The following TIMP3 variants were observed in gnomAD, a reference collection of about 807,000 sequenced individuals.
TIMP3 encodes the protein metalloproteinase inhibitor 3.
A neutral mutation model predicts 30.0 loss-of-function variants in TIMP3; 11 were observed. The ratio of observed to expected loss-of-function variants is 0.37; its 90% CI spans 0.23 to 0.61. The LOEUF (loss-of-function observed/expected upper bound fraction) is 0.61. Among genes scored for constraint, TIMP3 ranks in the 20% least tolerant of loss-of-function variants. The pLI is 0.70. For synonymous variants in TIMP3, 112 were observed against 111.3 expected, an observed-to-expected ratio of 1.01 and a Z score of -0.04; for missense variants, 181 against 276.8, an observed-to-expected ratio of 0.65 and a Z score of 2.45.
In TIMP3 at chr22:32,862,746, G is replaced by A. The variant is rs1379776075; in HGVS notation, c.*3369G>A. 1.3e-5 allele frequency: 2 copies of A among 152,608 alleles called. No individual in the cohort carries two copies. Among genetic ancestry groups the A allele is most frequent in the Non-Finnish European group, 2.9e-5 (2 of 68,042 alleles). The allele number at this position is 152,608 out of a possible 1,614,324, so 9.5% of individuals were successfully genotyped here. A position where few individuals can be genotyped will look rare whatever the true frequency, so the allele number is the denominator to read the frequency against. ...GAGGAAGGGGAGAACTTGGAGAATA[G>A]TTTTTGCTTTGGGGGTAGAGGCTTC... On this transcript the variant is annotated 3_prime_UTR_variant, in exon 5 of 5. Coordinates refer to ENST00000266085, the MANE Select transcript of TIMP3 (RefSeq NM_000362.5).
In TIMP3 at chr22:32,830,219, G is replaced by A. The variant is rs2267182; in HGVS notation, c.122-19233G>A. ...TGCCCTCTAGCCTCTTCACTGTCTTGGGAAAGGGGGCCTCTCACAAAACAG... is the reference window on the plus strand; with the variant it reads ...TGCCCTCTAGCCTCTTCACTGTCTTAGGAAAGGGGGCCTCTCACAAAACAG... On this transcript the variant is annotated intron_variant, in intron 1 of 4. Transcript: ENST00000266085. Among the ~76,000 whole-genome samples the A allele has an allele frequency of 2.7e-4, 41 of 152,152 alleles. No homozygotes were observed. In the East Asian group the frequency reaches 7.6e-3, roughly 28 times the overall value.
At position 32,853,931 on chromosome 22, in the gene TIMP3, T is replaced by C. The variant is rs556011646; in HGVS notation, c.205-3318T>C. Among the ~76,000 whole-genome samples, 348 of 152,328 alleles carry C rather than the reference T, an allele frequency of 2.3e-3. 3 individuals carry two copies. Among genetic ancestry groups the C allele is most frequent in the African/African-American group, 8.0e-3 (332 of 41,572 alleles). On this transcript the variant is annotated intron_variant, in intron 2 of 4. Transcript: ENST00000266085. ...CAGAGAAGATTGAAGATTCAAACTCTGGCTGTCAGCCTCCAAAACCTGAAT... is the reference window on the plus strand; with the variant it reads ...CAGAGAAGATTGAAGATTCAAACTCCGGCTGTCAGCCTCCAAAACCTGAAT...
chr22:32,821,958 C>A (rs1264342827), intron 1 of TIMP3, among the ~76,000 whole-genome samples: 1 of 152,104 alleles, frequency 6.6e-6, no homozygotes, highest in African/African-American at 2.4e-5. Context: ...GAGTTCGAGA[C>A]CAGCCTGACC....
At chr22:32,830,554 CT>C (rs1023833228) in intron 1 of TIMP3, among the ~76,000 whole-genome samples, 1 of 152,302 alleles carries the variant, frequency 6.6e-6, no homozygotes, top group Admixed American at 6.5e-5. Flanking sequence ...TGCCTGTGAC[CT>C]TTCTTATTGT....
chr22:32,853,193 C>T (rs945914626), intron 2 of TIMP3, among the ~76,000 whole-genome samples: 2 of 152,202 alleles, frequency 1.3e-5, no homozygotes, highest in Non-Finnish European at 2.9e-5. Context: ...TTGCAATGCC[C>T]GTGGTTCTTC....
At chr22:32,828,617 G>A (rs761186368) in intron 1 of TIMP3, among the ~76,000 whole-genome samples, 20 of 152,212 alleles carry the variant, frequency 1.3e-4, no homozygotes, top group Non-Finnish European at 1.5e-4. Flanking sequence ...AACAGGCCCA[G>A]GGACAGGAAG....
intron 1 of TIMP3, among the ~76,000 whole-genome samples, chr22:32,844,910 A>G (rs1287900196): frequency 3.3e-5 from 5 of 152,008 alleles, no homozygotes; most frequent in East Asian, 1.9e-4. Flanking sequence ...TTTATTTTTT[A>G]TAGAGACAAG....
At chr22:32,850,167 A>G (rs2048179282) in intron 2 of TIMP3, among the ~76,000 whole-genome samples, 1 of 151,358 alleles carries the variant, frequency 6.6e-6, no homozygotes, top group African/African-American at 2.4e-5. Flanking sequence ...GGATATGAAC[A>G]TCATGAAGTA....
chr22:32,802,158 T>C (rs1337953685), intron 1 of TIMP3, 36 bp downstream of exon 1: 1 of 1,564,710 alleles, frequency 6.4e-7, no homozygotes, highest in East Asian at 2.3e-5. Context: ...AGCCCCACGC[T>C]GCAGCCAGGA....
rs1017335148 is a variant in TIMP3 at position 32,858,064 on chromosome 22, G to C, written c.364G>C (p.Glu122Gln). The change falls in exon 4 of 5, where the codon GAG (glutamate) becomes CAG (glutamine). Residue 122 changes from glutamate to glutamine, a missense_variant. This residue lies in a region of TIMP3 where 63 missense variants were observed against 133.3 expected (regional missense o/e 0.47). Transcript: ENST00000266085. ...KMYTGLCNFV[E>Q]RWDQLTLSQR... ...GTACACGGGGCTGTGCAACTTCGTGGAGAGGTGGGACCAGCTCACCCTCTC... is the reference window on the plus strand; with the variant it reads ...GTACACGGGGCTGTGCAACTTCGTGCAGAGGTGGGACCAGCTCACCCTCTC... 2 of 1,614,094 alleles carry C rather than the reference G, an allele frequency of 1.2e-6. No homozygotes were observed. The highest frequency in any genetic ancestry group is 2.7e-5 in the African/African-American group (2 of 74,944).
At chr22:32,815,750 G>C (rs954712524) in intron 1 of TIMP3, among the ~76,000 whole-genome samples, 11 of 152,160 alleles carry the variant, frequency 7.2e-5, no homozygotes, top group African/African-American at 2.7e-4. Flanking sequence ...AGAGAGACTA[G>C]GTAACTTACC....
chr22:32,822,742 T>G (rs936841129), intron 1 of TIMP3, among the ~76,000 whole-genome samples: 16 of 151,926 alleles, frequency 1.1e-4, no homozygotes, highest in Non-Finnish European at 1.8e-4. Flanking sequence ...TCAAAGGAGG[T>G]GGGTGTGGCC....
intron 1 of TIMP3, among the ~76,000 whole-genome samples, 193 bp from the exon 2 acceptor site, chr22:32,849,259 T>A (rs557194194): frequency 6.6e-6 from 1 of 152,294 alleles, no homozygotes. Context: ...ATGGTGGCTG[T>A]TTCTTTTTCC....
At chr22:32,810,830 A>C (rs757958703) in intron 1 of TIMP3, among the ~76,000 whole-genome samples, 3 of 152,158 alleles carry the variant, frequency 2.0e-5, no homozygotes, top group Non-Finnish European at 4.4e-5. Context: ...CATCTCATGT[A>C]TTTAGGAAGG....
At chr22:32,858,781 T>C (rs1408110522) in intron 4 of TIMP3, among the ~76,000 whole-genome samples, 1 of 152,148 alleles carries the variant, frequency 6.6e-6, no homozygotes, top group Non-Finnish European at 1.5e-5. Context: ...TGAATCTGGT[T>C]TCCAACCTAG....
At chr22:32,849,884 TG>T (rs2048171901) in intron 2 of TIMP3, among the ~76,000 whole-genome samples, 1 of 151,968 alleles carries the variant, frequency 6.6e-6, no homozygotes. Flanking sequence ...AATTGTGAAA[TG>T]AGGGGGTTGG....
chr22:32,847,430 C>T (rs923753585), intron 1 of TIMP3, among the ~76,000 whole-genome samples: 12 of 152,216 alleles, frequency 7.9e-5, no homozygotes, highest in African/African-American at 2.9e-4. Context: ...CGCTAAATTG[C>T]TCACTTTGCC....
chr22:32,836,993 G>A lies in TIMP3; in HGVS notation c.122-12459G>A, dbSNP rs928229527. Among the ~76,000 whole-genome samples the A allele has an allele frequency of 1.2e-4, 19 of 152,198 alleles. 1 individual carries two copies. Among genetic ancestry groups the A allele is most frequent in the Admixed American group, 9.8e-4 (15 of 15,290 alleles). On this transcript the variant is annotated intron_variant, in intron 1 of 4. Transcript: ENST00000266085. ...CAAAGGCTGCATCTGCGGGTCTGGC[G>A]TGCAAAGGAGGGTGGTTCTTTGGCT...
At chr22:32,816,145 C>T (rs907692401) in intron 1 of TIMP3, among the ~76,000 whole-genome samples, 13 of 152,132 alleles carry the variant, frequency 8.5e-5, no homozygotes, top group African/African-American at 1.9e-4. Flanking sequence ...TTGTCCATTC[C>T]GCCTTCCCAG....
Sources: allele counts gnomAD v4.1 joint callset (sites outside exome capture counted in the v4.1 genomes callset), GRCh38; gene constraint gnomAD v4.1.1; regional missense constraint gnomAD v4.1.1; transcripts MANE v1.5; gene names NCBI Gene and HGNC (gene_info 2026-07-23, HGNC 2026-07-21).